The following PLAC1 variants were observed in gnomAD, a reference collection of about 807,000 sequenced individuals.
PLAC1 encodes the protein placenta-specific protein 1.
For missense variants in PLAC1, 136 were observed against 163.2 expected (o/e 0.83, Z 0.91); for synonymous variants, 68 against 62.1 (o/e 1.09, Z -0.44).
At chrX:134,587,269 T>C (rs899564110) in intron 2 of PLAC1, among the ~76,000 whole-genome samples, 4 of 110,416 alleles carry the variant, frequency 3.6e-5, no homozygotes, top group Admixed American at 9.7e-5. Context: ...CCTCCCTTTA[T>C]GGGCTGGGTG....
intron 1 of PLAC1, among the ~76,000 whole-genome samples, chrX:134,621,582 T>C (rs139556283): frequency 3.1e-4 from 35 of 111,274 alleles, no homozygotes; most frequent in Admixed American, 1.4e-3. Flanking sequence ...CCTCAATGAC[T>C]GAACTGTTTG....
At chrX:134,598,486 A>G (rs774789646) in intron 2 of PLAC1, among the ~76,000 whole-genome samples, 7 of 112,247 alleles carry the variant, frequency 6.2e-5, no homozygotes, top group Non-Finnish European at 9.4e-5. Flanking sequence ...TTCAGGGTGT[A>G]GAATATAGTA....
intron 1 of PLAC1, among the ~76,000 whole-genome samples, chrX:134,630,495 C>A (rs766052818): frequency 3.2e-4 from 36 of 111,702 alleles, no homozygotes; most frequent in Non-Finnish European, 6.2e-4. Flanking sequence ...GGCACTCATA[C>A]CAGGCTACTA....
chrX:134,740,782 CAG>C (rs929168239), intron 1 of PLAC1, among the ~76,000 whole-genome samples: 5 of 111,601 alleles, frequency 4.5e-5, no homozygotes, highest in African/African-American at 1.6e-4. Context: ...CATGTGAAGA[CAG>C]AGGCAGAGAA....
intron 2 of PLAC1, among the ~76,000 whole-genome samples, chrX:134,677,844 T>G (rs2078480749): frequency 9.0e-6 from 1 of 111,651 alleles, no homozygotes; most frequent in South Asian, 3.8e-4. Flanking sequence ...GGAGACCAGT[T>G]GGGAGGCTAT....
intron 2 of PLAC1, among the ~76,000 whole-genome samples, chrX:134,723,480 A>C (rs2078664685): frequency 9.2e-6 from 1 of 109,000 alleles, no homozygotes; most frequent in South Asian, 4.1e-4. Context: ...CCGATTTTGT[A>C]AAATTTTTGT....
intron 2 of PLAC1, among the ~76,000 whole-genome samples, chrX:134,669,739 G>A (rs1392843732): frequency 4.4e-5 from 5 of 112,455 alleles, no homozygotes; most frequent in African/African-American, 1.6e-4. Context: ...GGGGCAGCTT[G>A]GTGTTTCTGG....
intron 1 of PLAC1, among the ~76,000 whole-genome samples, chrX:134,626,020 T>C: frequency 9.0e-6 from 1 of 111,172 alleles, no homozygotes; most frequent in Non-Finnish European, 1.9e-5. Flanking sequence ...TAGAGCACTT[T>C]GGTTTGCACA....
At chrX:134,574,817 C>T (rs1300459772) in intron 2 of PLAC1, among the ~76,000 whole-genome samples, 3 of 111,527 alleles carry the variant, frequency 2.7e-5, no homozygotes, top group African/African-American at 9.8e-5. Context: ...GCCTCAGGTT[C>T]ACGAGGTACT....
At chrX:134,655,772 T>C (rs1168512557) in intron 1 of PLAC1, among the ~76,000 whole-genome samples, 2 of 112,306 alleles carry the variant, frequency 1.8e-5, no homozygotes, top group Non-Finnish European at 3.8e-5. Flanking sequence ...AATAAAAAGA[T>C]TTAATAGCAA....
At chrX:134,661,453 G>T (rs1274269023), upstream of PLAC1, among the ~76,000 whole-genome samples, 1 of 111,399 alleles carries the variant, frequency 9.0e-6, no homozygotes, top group Non-Finnish European at 1.9e-5. Flanking sequence ...CCTGGGAGGA[G>T]CCTTGGAAAG....
chrX:134,695,905 T>G (rs1198256467), intron 2 of PLAC1, among the ~76,000 whole-genome samples: 1 of 110,744 alleles, frequency 9.0e-6, no homozygotes, highest in Non-Finnish European at 1.9e-5. Context: ...TCTGGTAAGT[T>G]TTAGATGAAA....
intron 2 of PLAC1, among the ~76,000 whole-genome samples, chrX:134,699,648 T>C (rs1171427589): frequency 8.9e-6 from 1 of 112,657 alleles, no homozygotes; most frequent in African/African-American, 3.2e-5. Context: ...CAGTCTGCAG[T>C]ACATTGTTAT....
intron 2 of PLAC1, among the ~76,000 whole-genome samples, chrX:134,714,723 T>C (rs747736774): frequency 9.8e-5 from 11 of 111,693 alleles, no homozygotes; most frequent in Admixed American, 8.6e-4. Flanking sequence ...AGAAACTTCA[T>C]GTAAGTGGAA....
Position 134,709,010 on chromosome X carries a change from A to ACCTC in PLAC1, n.174+24424_174+24425insGAGG, listed in dbSNP as rs2078619351. Among the ~76,000 whole-genome samples, 3 of 112,131 alleles carry ACCTC rather than the reference A, an allele frequency of 2.7e-5. No individual in the cohort carries two copies. In the South Asian group the frequency reaches 1.1e-3, roughly 42 times the overall value. On this transcript the variant is annotated intron_variant and non_coding_transcript_variant, in intron 2 of 2. Coordinates refer to the PLAC1 transcript ENST00000466797. ...GGGGGCCTCTCTGTACCATATTTGC[A>ACCTC]TCTTCCCGTGAATCTATAATTATAT...
At chrX:134,750,026 C>A (rs957770854) in intron 1 of PLAC1, among the ~76,000 whole-genome samples, 2 of 111,091 alleles carry the variant, frequency 1.8e-5, no homozygotes, top group African/African-American at 6.6e-5. Flanking sequence ...TAGTGAGATT[C>A]CTCTAAATAC....
intron 2 of PLAC1, among the ~76,000 whole-genome samples, chrX:134,710,162 A>C (rs1326663049): frequency 1.8e-5 from 2 of 112,221 alleles, no homozygotes; most frequent in African/African-American, 6.5e-5. Context: ...ACAATGGAAA[A>C]AGGAGCAAAG....
At chrX:134,691,829 T>C (rs1470402413) in intron 2 of PLAC1, among the ~76,000 whole-genome samples, 3 of 111,497 alleles carry the variant, frequency 2.7e-5, no homozygotes, top group African/African-American at 9.8e-5. Context: ...GGAAACAGTT[T>C]CTTCTGGGAA....
intron 2 of PLAC1, among the ~76,000 whole-genome samples, chrX:134,586,030 C>T (rs1397216535): frequency 8.9e-6 from 1 of 111,915 alleles, no homozygotes; most frequent in Non-Finnish European, 1.9e-5. Context: ...ACAGGGCTCT[C>T]ATTTAAAATG....
Sources: allele counts gnomAD v4.1 joint callset (sites outside exome capture counted in the v4.1 genomes callset), GRCh38; gene constraint gnomAD v4.1.1; transcripts MANE v1.5; gene names NCBI Gene and HGNC (gene_info 2026-07-23, HGNC 2026-07-21).